Variants in ZC2HC1A observed in about 807,000 individuals in gnomAD.
The protein encoded by ZC2HC1A is zinc finger C2HC domain-containing protein 1A.
Under a neutral mutation model 40.7 loss-of-function variants are expected in ZC2HC1A, and 28 were observed. The observed-to-expected ratio is 0.69, with a 90% CI of 0.51 to 0.94. The LOEUF is 0.94. ZC2HC1A is among the 40% of genes least tolerant of loss of function. The probability of loss-of-function intolerance (pLI) is 0.00; values close to 1 mark genes in which losing one functional copy is unlikely to be tolerated. For missense variants in ZC2HC1A, 389 were observed against 386.3 expected, an observed-to-expected ratio of 1.01 and a Z score of -0.06; for synonymous variants, 129 against 129.2, an observed-to-expected ratio of 1.00 and a Z score of 0.01.
At chr8:78,677,351 C>T (rs1369244900) in intron 2 of ZC2HC1A, among the ~76,000 whole-genome samples, 1 of 145,942 alleles carries the variant, frequency 6.9e-6, no homozygotes, top group Non-Finnish European at 1.5e-5. Flanking sequence ...ATGGACAACT[C>T]TTTAAAAAAA....
At chr8:78,711,583 GAAAT>G (rs1810952017) in intron 7 of ZC2HC1A, among the ~76,000 whole-genome samples, 1 of 152,072 alleles carries the variant, frequency 6.6e-6, no homozygotes, top group African/African-American at 2.4e-5. Context: ...AAAAAGCACG[GAAAT>G]AAATAATATG....
intron 7 of ZC2HC1A, among the ~76,000 whole-genome samples, chr8:78,714,985 A>G (rs933807205): frequency 6.6e-6 from 1 of 152,216 alleles, no homozygotes; most frequent in African/African-American, 2.4e-5. Context: ...AAGCATATAT[A>G]CATATTTTAG....
intron 7 of ZC2HC1A, among the ~76,000 whole-genome samples, chr8:78,713,675 T>C (rs1346162245): frequency 1.3e-5 from 2 of 152,132 alleles, no homozygotes; most frequent in Admixed American, 1.3e-4. Flanking sequence ...TCTTTGCTTG[T>C]TGAAGTTTAG....
At chr8:78,668,643 T>A (rs1024916218) in intron 1 of ZC2HC1A, among the ~76,000 whole-genome samples, 11 of 152,208 alleles carry the variant, frequency 7.2e-5, no homozygotes, top group African/African-American at 2.7e-4. Context: ...GCTCAAACAC[T>A]ATACTTTGAA....
At chr8:78,707,439 T>C (rs1810808845) in intron 7 of ZC2HC1A, among the ~76,000 whole-genome samples, 1 of 152,210 alleles carries the variant, frequency 6.6e-6, no homozygotes, top group African/African-American at 2.4e-5. Flanking sequence ...TGCTGTGACA[T>C]ATTGTCTGAC....
At chr8:78,680,203 GT>G (rs1480534087) in intron 3 of ZC2HC1A, among the ~76,000 whole-genome samples, 2 of 148,142 alleles carry the variant, frequency 1.4e-5, no homozygotes, top group Non-Finnish European at 3.0e-5. Context: ...AGGAATTGGG[GT>G]TGTAAACTTA....
At chr8:78,672,225 TA>T (rs1809453802) in intron 1 of ZC2HC1A, among the ~76,000 whole-genome samples, 1 of 152,088 alleles carries the variant, frequency 6.6e-6, no homozygotes, top group Non-Finnish European at 1.5e-5. Context: ...AATATTTTTT[TA>T]AAAATTATTT....
chr8:78,687,530 ATAT>A (rs1315627897), intron 4 of ZC2HC1A, among the ~76,000 whole-genome samples: 1 of 142,754 alleles, frequency 7.0e-6, no homozygotes, highest in Non-Finnish European at 1.5e-5. Flanking sequence ...ATAATAAATT[ATAT>A]ATTTATATAA....
intron 4 of ZC2HC1A, among the ~76,000 whole-genome samples, chr8:78,687,958 ATATT>A (rs1322614650): frequency 6.9e-6 from 1 of 144,356 alleles, no homozygotes; most frequent in African/African-American, 2.5e-5. Context: ...AACTATATCT[ATATT>A]TATATATAAA....
At chr8:78,671,802 C>T (rs1231135632) in intron 1 of ZC2HC1A, among the ~76,000 whole-genome samples, 1 of 152,000 alleles carries the variant, frequency 6.6e-6, no homozygotes, top group Non-Finnish European at 1.5e-5. Flanking sequence ...GTGTACACTA[C>T]CTGAAGCATT....
At chr8:78,706,764 G>A (rs1466211582) in intron 7 of ZC2HC1A, among the ~76,000 whole-genome samples, 3 of 151,912 alleles carry the variant, frequency 2.0e-5, no homozygotes, top group African/African-American at 7.3e-5. Flanking sequence ...TTTTATGTGG[G>A]AAATATATAC....
chr8:78,716,999 G>A (rs533533008), intron 8 of ZC2HC1A, among the ~76,000 whole-genome samples: 2 of 151,494 alleles, frequency 1.3e-5, no homozygotes, highest in East Asian at 3.9e-4. Context: ...TGTACAGCCT[G>A]CAGAACTGTG....
intron 7 of ZC2HC1A, among the ~76,000 whole-genome samples, chr8:78,706,389 G>A (rs1475808433): frequency 2.0e-5 from 3 of 152,154 alleles, no homozygotes; most frequent in Admixed American, 1.3e-4. Flanking sequence ...CTTTGCCTGT[G>A]CCGGAGCAGC....
At chr8:78,680,260 C>T (rs1809729917) in intron 3 of ZC2HC1A, among the ~76,000 whole-genome samples, 1 of 130,952 alleles carries the variant, frequency 7.6e-6, no homozygotes, top group Non-Finnish European at 1.5e-5. Context: ...GCAGTCCGGC[C>T]TGGGCGACAG....
At chr8:78,698,665 T>C (rs1203075424) in intron 7 of ZC2HC1A, 152 bp downstream of exon 7, 3 of 471,244 alleles carry the variant, frequency 6.4e-6, no homozygotes, top group Non-Finnish European at 1.1e-5. Flanking sequence ...CTCACTGCTG[T>C]TGAGTATCTA....
chr8:78,715,121 T>A lies in ZC2HC1A; in HGVS notation c.705-100T>A, dbSNP rs1326837343. 16 of 1,024,814 alleles carry A rather than the reference T, an allele frequency of 1.6e-5. No homozygotes were observed. In the South Asian group the frequency reaches 2.0e-4, roughly 13 times the overall value. The allele number at this position is 1,024,814 out of a possible 1,614,324, so 63.5% of individuals were successfully genotyped here. On this transcript the variant is annotated intron_variant, in intron 7 of 8. Coordinates refer to ENST00000263849, the MANE Select transcript of ZC2HC1A (RefSeq NM_016010.3). ...GGGACTTTAATCTTTTGAACTTCTC[T>A]GAAGCTTCTAAGTATTCTTTCTAGT...
intron 3 of ZC2HC1A, among the ~76,000 whole-genome samples, chr8:78,681,989 C>T (rs1809803081): frequency 1.3e-5 from 2 of 151,006 alleles, no homozygotes; most frequent in Non-Finnish European, 1.5e-5. Flanking sequence ...TGATTTCTGC[C>T]ACTTTCACCT....
intron 7 of ZC2HC1A, among the ~76,000 whole-genome samples, chr8:78,699,454 A>G (rs541777399): frequency 3.3e-5 from 5 of 152,206 alleles, no homozygotes; most frequent in African/African-American, 1.2e-4. Context: ...TACAGCACAC[A>G]TTATTTTCTT....
chr8:78,713,451 C>T (rs909637670), intron 7 of ZC2HC1A, among the ~76,000 whole-genome samples: 8 of 150,512 alleles, frequency 5.3e-5, no homozygotes, highest in Non-Finnish European at 8.9e-5. Context: ...GCACTTAAGA[C>T]GATTCTATAG....
Sources: gnomAD v4.1 joint callset for allele counts (sites outside exome capture counted in the v4.1 genomes callset) on GRCh38, gnomAD v4.1.1 for gene constraint, MANE v1.5 for transcripts, NCBI Gene and HGNC (gene_info 2026-07-23, HGNC 2026-07-21) for gene names.